SLCO3A1: variants seen among roughly 807,000 people sequenced by gnomAD.
SLCO3A1 encodes PGE1 transporter.
In SLCO3A1, 27 loss-of-function variants were observed where a neutral mutation model predicts 63.1. The ratio of observed to expected loss-of-function variants is 0.43; its 90% CI spans 0.32 to 0.59. SLCO3A1 has a LOEUF of 0.59. SLCO3A1 is among the 20% of genes least tolerant of loss of function. The pLI is 0.09. For missense variants in SLCO3A1, 773 were observed against 945.8 expected (o/e 0.82, Z 2.40); for synonymous variants, 473 against 409.9 (o/e 1.15, Z -1.86).
intron 1 of SLCO3A1, among the ~76,000 whole-genome samples, chr15:91,898,617 C>T (rs1047114872): frequency 4.6e-5 from 7 of 152,006 alleles, no homozygotes; most frequent in African/African-American, 1.5e-4. Context: ...ACATCATCCT[C>T]AGTGGGTTGA....
intron 2 of SLCO3A1, among the ~76,000 whole-genome samples, chr15:92,089,127 G>A (rs546985970): frequency 1.6e-4 from 25 of 152,088 alleles, no homozygotes; most frequent in African/African-American, 5.1e-4. Flanking sequence ...CTGGGTTCAC[G>A]CCATTCTCCT....
At chr15:92,058,711 A>T (rs998675811) in intron 2 of SLCO3A1, among the ~76,000 whole-genome samples, 1 of 152,154 alleles carries the variant, frequency 6.6e-6, no homozygotes, top group African/African-American at 2.4e-5. Flanking sequence ...AAGCAACCCA[A>T]ATGTATTCTT....
chr15:92,022,947 G>A (rs538197270), intron 2 of SLCO3A1, among the ~76,000 whole-genome samples: 22 of 152,220 alleles, frequency 1.4e-4, no homozygotes, highest in Admixed American at 1.2e-3. Flanking sequence ...AGGGAGTCGT[G>A]GGATTCTGGG....
At chr15:92,144,415 G>T (rs1343674177) in intron 7 of SLCO3A1, among the ~76,000 whole-genome samples, 2 of 152,166 alleles carry the variant, frequency 1.3e-5, no homozygotes, top group South Asian at 2.1e-4. Flanking sequence ...AGTAACATTT[G>T]TTATGCAAGC....
At chr15:92,166,850 C>T (rs749112081), downstream of SLCO3A1, among the ~76,000 whole-genome samples, 5 of 152,140 alleles carry the variant, frequency 3.3e-5, no homozygotes, top group African/African-American at 9.7e-5. Context: ...GTTTTCTTGC[C>T]GCCTGCTGCT....
Position 91,894,448 on chromosome 15 carries a change from C to T in SLCO3A1, c.181-21545C>T, listed in dbSNP as rs549870638. On this transcript the variant is annotated intron_variant, in intron 1 of 9. Transcript: ENST00000318445. This position sits in a 1 kb window ranked among gnomAD's most constrained non-coding sequence, Gnocchi z 4.8. ...GTATCTCAGGTGAGGGGTTGATGGTCGCCAGGTCATAGGTGGTAGCAGTGG... is the reference window on the plus strand; with the variant it reads ...GTATCTCAGGTGAGGGGTTGATGGTTGCCAGGTCATAGGTGGTAGCAGTGG... Among the ~76,000 whole-genome samples, 4 of 152,034 alleles carry T rather than the reference C, an allele frequency of 2.6e-5. No individual in the cohort carries two copies. The highest frequency in any genetic ancestry group is 1.9e-4 in the East Asian group (1 of 5,160).
At chr15:91,982,450 T>C (rs1160031982) in intron 2 of SLCO3A1, among the ~76,000 whole-genome samples, 1 of 152,248 alleles carries the variant, frequency 6.6e-6, no homozygotes, top group Non-Finnish European at 1.5e-5. Context: ...ATAAGATTGA[T>C]CTCCAGTTAA....
intron 9 of SLCO3A1, among the ~76,000 whole-genome samples, chr15:92,159,192 G>A (rs895389139): frequency 6.6e-6 from 1 of 152,166 alleles, no homozygotes; most frequent in East Asian, 1.9e-4. Flanking sequence ...CACCTTAAAA[G>A]TTCTTTCATC....
intron 2 of SLCO3A1, among the ~76,000 whole-genome samples, chr15:92,082,201 G>T (rs958448874): frequency 6.6e-6 from 1 of 152,210 alleles, no homozygotes; most frequent in Non-Finnish European, 1.5e-5. Context: ...AATGTGTATT[G>T]CAGGTTTCCT....
chr15:91,983,987 A>T (rs2046019082), intron 2 of SLCO3A1, among the ~76,000 whole-genome samples: 1 of 152,188 alleles, frequency 6.6e-6, no homozygotes, highest in African/African-American at 2.4e-5. Context: ...AGCTTGTGAG[A>T]GTGGATGTGG....
chr15:92,084,924 C>T (rs1384888538), intron 2 of SLCO3A1, among the ~76,000 whole-genome samples: 4 of 152,308 alleles, frequency 2.6e-5, no homozygotes, highest in South Asian at 4.1e-4. Flanking sequence ...CAGGGCCAGG[C>T]GGAAGGAGGG....
intron 2 of SLCO3A1, among the ~76,000 whole-genome samples, chr15:92,085,936 A>C (rs545449500): frequency 1.3e-5 from 2 of 152,318 alleles, no homozygotes; most frequent in East Asian, 1.9e-4. Flanking sequence ...AACTTCAACC[A>C]TGTCATTGAT....
chr15:92,143,946 G>T lies in SLCO3A1; in HGVS notation c.1513-3038G>T, dbSNP rs940651318. 1.8e-4 allele frequency among the ~76,000 whole-genome samples: 27 copies of T among 152,172 alleles called. 1 individual carries two copies. The highest frequency in any genetic ancestry group is 1.5e-5 in the Non-Finnish European group (1 of 68,022). ...GGCACTCTGCGATGTGGGGAGCCAC[G>T]TGGCCTGCAGCAGCCAGGTCACCAG... On this transcript the variant is annotated intron_variant, in intron 7 of 9. Transcript: ENST00000318445.
At chr15:92,172,059 A>C (rs2048524785) in exon 11 of SLCO3A1, 1 of 552,106 alleles carries the variant, frequency 1.8e-6, no homozygotes, top group African/African-American at 1.9e-5. Flanking sequence ...GGTCAGGAGT[A>C]CTCCAAACAG....
chr15:92,158,268 T>C (rs1175357780), intron 9 of SLCO3A1, among the ~76,000 whole-genome samples: 1 of 152,210 alleles, frequency 6.6e-6, no homozygotes, highest in Non-Finnish European at 1.5e-5. Flanking sequence ...TCAAGCCAGT[T>C]ACGCCAGGAG....
chr15:91,984,501 C>T (rs1797540921), intron 2 of SLCO3A1, among the ~76,000 whole-genome samples: 1 of 152,240 alleles, frequency 6.6e-6, no homozygotes, highest in African/African-American at 2.4e-5. Context: ...AATGTTTCTG[C>T]TTAAACCTCA....
intron 2 of SLCO3A1, among the ~76,000 whole-genome samples, chr15:91,976,590 G>T (rs1268066208): frequency 6.6e-6 from 1 of 152,026 alleles, no homozygotes; most frequent in Non-Finnish European, 1.5e-5. Flanking sequence ...AATCCACGTT[G>T]GGCACCAGAT....
rs953475174 is a variant in SLCO3A1 at position 91,860,661 on chromosome 15, G to A, written c.180+6573G>A. On this transcript the variant is annotated intron_variant, in intron 1 of 9. Transcript: ENST00000318445. This position sits in a 1 kb window ranked among gnomAD's most constrained non-coding sequence, Gnocchi z 5.5. ...AATTCAAGGGAGCCCGAGGTGTCAG[G>A]AGGGCGAGGACAAAGGGACATATGT... 7.2e-5 allele frequency among the ~76,000 whole-genome samples: 11 copies of A among 152,200 alleles called. No homozygotes were observed. The highest frequency in any genetic ancestry group is 2.7e-4 in the African/African-American group (11 of 41,436).
chr15:92,001,645 A>G (rs2046255919), intron 2 of SLCO3A1, among the ~76,000 whole-genome samples: 1 of 152,194 alleles, frequency 6.6e-6, no homozygotes, highest in Non-Finnish European at 1.5e-5. Flanking sequence ...GCATGAAAAG[A>G]TATAAAACAA....
Sources: allele counts gnomAD v4.1 joint callset (sites outside exome capture counted in the v4.1 genomes callset), GRCh38; gene constraint gnomAD v4.1.1; non-coding constraint Gnocchi (gnomAD v3.1); transcripts MANE v1.5; gene names NCBI Gene and HGNC (gene_info 2026-07-23, HGNC 2026-07-21).